HADHB: variants seen among roughly 807,000 people sequenced by gnomAD.
HADHB encodes the protein trifunctional enzyme subunit beta, mitochondrial.
A neutral mutation model predicts 61.9 loss-of-function variants in HADHB; 50 were observed. The observed-to-expected ratio is 0.81, with a 90% CI of 0.64 to 1.02. The LOEUF (loss-of-function observed/expected upper bound fraction) is 1.02. HADHB is among the 50% of genes least tolerant of loss of function. The pLI is 0.00. For synonymous variants in HADHB, 191 were observed against 201.6 expected (o/e 0.95, Z 0.45); for missense variants, 504 against 586.5 (o/e 0.86, Z 1.45).
intron 1 of HADHB, among the ~76,000 whole-genome samples, chr2:26,246,451 T>C (rs1217967505): frequency 1.3e-5 from 2 of 151,958 alleles, no homozygotes; most frequent in Admixed American, 6.6e-5. Context: ...GTGATTCTCC[T>C]GCCTCAGGCT....
chr2:26,285,367 A>G, intron 14 of HADHB, 40 bp from the exon 15 acceptor site: 1 of 1,582,578 alleles, frequency 6.3e-7, no homozygotes, highest in Non-Finnish European at 8.7e-7. Context: ...TCTGATCTTA[A>G]GTAAACTTAT....
intron 1 of HADHB, among the ~76,000 whole-genome samples, chr2:26,248,305 G>A (rs56785851): frequency 6.6e-6 from 1 of 151,594 alleles, no homozygotes; most frequent in Non-Finnish European, 1.5e-5. Flanking sequence ...TTACTTAACT[G>A]TTTCCTACTG....
intron 7 of HADHB, among the ~76,000 whole-genome samples, chr2:26,277,427 G>T (rs1672576415): frequency 6.6e-6 from 1 of 151,750 alleles, no homozygotes; most frequent in South Asian, 2.1e-4. Context: ...GTGGAGACGG[G>T]ATCTCGCCAT....
intron 3 of HADHB, among the ~76,000 whole-genome samples, chr2:26,257,221 T>C (rs1388641541): frequency 2.6e-5 from 4 of 151,062 alleles, no homozygotes; most frequent in Non-Finnish European, 5.9e-5. Context: ...CCCAGGTTCA[T>C]GCCATTCTCC....
At chr2:26,287,258 TC>T (rs751567422) in intron 15 of HADHB, among the ~76,000 whole-genome samples, 1 of 152,182 alleles carries the variant, frequency 6.6e-6, no homozygotes, top group African/African-American at 2.4e-5. Context: ...TCATGGATTT[TC>T]CTCAGAGACT....
chr2:26,253,466 T>C (rs551538754), intron 1 of HADHB, among the ~76,000 whole-genome samples: 1 of 152,276 alleles, frequency 6.6e-6, no homozygotes, highest in East Asian at 1.9e-4. Context: ...AAACTAATAC[T>C]AATGGTTTTA....
chr2:26,254,612 T>G, intron 3 of HADHB, 138 bp downstream of exon 3: 1 of 655,150 alleles, frequency 1.5e-6, no homozygotes, highest in Non-Finnish European at 2.8e-6. Context: ...CTCTGTTGCC[T>G]TCAAATTAAA....
At chr2:26,253,853 C>CAAAA (rs1298963823) in intron 1 of HADHB, among the ~76,000 whole-genome samples, 838 of 75,640 alleles carry the variant, frequency 0.011, 8 homozygotes, top group Non-Finnish European at 0.02. Flanking sequence ...AACTCCATCT[C>CAAAA]AAAAAAATAA....
At chr2:26,265,792 A>G (rs1002892145) in intron 4 of HADHB, among the ~76,000 whole-genome samples, 11 of 152,190 alleles carry the variant, frequency 7.2e-5, no homozygotes, top group Non-Finnish European at 1.5e-4. Flanking sequence ...TGAGCAATCT[A>G]GTGGTACAGA....
chr2:26,260,071 GT>G (rs1444668025), intron 3 of HADHB, among the ~76,000 whole-genome samples: 1 of 146,014 alleles, frequency 6.8e-6, no homozygotes, highest in Non-Finnish European at 1.5e-5. Context: ...TATATGGTCA[GT>G]TTTTTCTGGT....
At position 26,278,759 on chromosome 2, in the gene HADHB, GTCTTTAATC is replaced by G; in HGVS notation, c.592_600del (p.Leu198_Ser200del). 1 of 1,614,152 alleles carries G rather than the reference GTCTTTAATC, an allele frequency of 6.2e-7. No individual in the cohort carries two copies. The highest frequency in any genetic ancestry group is 8.5e-7 in the Non-Finnish European group (1 of 1,180,016). On this transcript the variant is annotated inframe_deletion, in exon 8 of 16. Transcript: ENST00000317799. Reference sequence around the variant, plus strand: ...AGGCCAAATCTATGGGCCAGCGACTGTCTTTAATCTCTAAATTCCGATTTAATTTCCTAG... The same window carrying G: ...AGGCCAAATCTATGGGCCAGCGACTGTCTAAATTCCGATTTAATTTCCTAG...
Position 26,279,308 on chromosome 2 carries a change from A to G in HADHB, c.804A>G (p.Lys268=), listed in dbSNP as rs774156064. The change falls in exon 9 of 16, where the codon AAA becomes AAG. Residue 268 remains lysine, a synonymous_variant. Coordinates refer to ENST00000317799, the MANE Select transcript of HADHB (RefSeq NM_000183.3). ...EGLLSDVVPF[K]VPGKDTVTKD... ...TCCTTTCTGATGTGGTACCCTTCAA[A>G]GTACCAGGTGAAATGAAATGCTTCA... 1 of 1,605,212 alleles carries G rather than the reference A, an allele frequency of 6.2e-7. No homozygotes were observed. The highest frequency in any genetic ancestry group is 1.7e-5 in the Admixed American group (1 of 60,016).
chr2:26,262,145 G>C (rs945370411), intron 3 of HADHB, among the ~76,000 whole-genome samples: 1 of 152,144 alleles, frequency 6.6e-6, no homozygotes, highest in Non-Finnish European at 1.5e-5. Context: ...GTTGGTTGTA[G>C]ATGTTTACTA....
In HADHB at chr2:26,290,403, T is replaced by TA; in HGVS notation, c.*451dup. ...CAGAATCTAAACACCACTGAAAACT[T>TA]ATAAAAAATGTTTAGATACATAAAT... On this transcript the variant is annotated 3_prime_UTR_variant, in exon 16 of 16. Transcript: ENST00000317799. The TA allele has an allele frequency of 5.4e-6, 1 of 185,752 alleles. No homozygotes were observed. The highest frequency in any genetic ancestry group is 1.1e-5 in the Non-Finnish European group (1 of 87,484). 11.5% of individuals were successfully genotyped at this position (185,752 alleles called of 1,614,324 possible).
intron 1 of HADHB, among the ~76,000 whole-genome samples, chr2:26,251,434 C>G (rs749901376): frequency 4.1e-4 from 62 of 152,270 alleles, no homozygotes; most frequent in Admixed American, 1.3e-4. Context: ...GTGATCCTCC[C>G]ACCTCGGCCT....
At chr2:26,246,686 C>A (rs996482813) in intron 1 of HADHB, among the ~76,000 whole-genome samples, 3 of 152,046 alleles carry the variant, frequency 2.0e-5, no homozygotes, top group Non-Finnish European at 2.9e-5. Flanking sequence ...GCTAGAGGCC[C>A]GTGTGTTGTA....
chr2:26,284,125 A>G lies in HADHB; in HGVS notation c.1070A>G (p.Tyr357Cys), dbSNP rs756803959. 1 of 1,571,220 alleles carries G rather than the reference A, an allele frequency of 6.4e-7. No individual in the cohort carries two copies. The highest frequency in any genetic ancestry group is 1.1e-5 in the South Asian group (1 of 90,262). The change falls in exon 13 of 16, where the codon TAT becomes TGT. Residue 357 changes from tyrosine (Y) to cysteine (C), a missense_variant. Coordinates refer to ENST00000317799, the MANE Select transcript of HADHB (RefSeq NM_000183.3). ...PKDQLLLGPT[Y>C]ATPKVLEKAG... ...TTATTTTTTCTTTGCAGACCAACAT[A>G]TGCTACTCCAAAAGTTCTAGAAAAG...
intron 5 of HADHB, among the ~76,000 whole-genome samples, chr2:26,273,295 T>G (rs1007037987): frequency 2.6e-5 from 4 of 152,192 alleles, no homozygotes; most frequent in African/African-American, 7.2e-5. Flanking sequence ...GAGACTTTGC[T>G]TTATCTCTTT....
rs192264328 is a variant in HADHB, at chr2:26,247,081, G to C, written c.-9+2091G>C. On this transcript the variant is annotated intron_variant, in intron 1 of 15. Transcript: ENST00000317799. ...CTTAACCATTACGTTGTGTTTCAAA[G>C]TTGTAATAATGAGCTGTTAGAGCCA... is the stretch of plus-strand genomic sequence containing the variant. Among the ~76,000 whole-genome samples the C allele has an allele frequency of 1.3e-4, 20 of 152,306 alleles. No individual in the cohort carries two copies. In the East Asian group the frequency reaches 1.9e-3, roughly 15 times the overall value.
Sources: gnomAD v4.1 joint callset for allele counts (sites outside exome capture counted in the v4.1 genomes callset) on GRCh38, gnomAD v4.1.1 for gene constraint, MANE v1.5 for transcripts, NCBI Gene and HGNC (gene_info 2026-07-23, HGNC 2026-07-21) for gene names.